The following CYP4F12 variants were observed in gnomAD, a reference collection of about 807,000 sequenced individuals.
CYP4F12 encodes the protein cytochrome P450 family 4 subfamily F member 12.
CYP4F12 carries 60 observed loss-of-function variants against 56.5 expected under a neutral mutation model. That is an observed-to-expected ratio of 1.06 (90% confidence interval 0.86 to 1.32). The LOEUF (loss-of-function observed/expected upper bound fraction) is 1.32. CYP4F12 is among the 40% of genes most tolerant of loss of function. The pLI, the probability that CYP4F12 is intolerant of heterozygous loss-of-function variation, is 0.00. For synonymous variants in CYP4F12, 263 were observed against 264.9 expected, an observed-to-expected ratio of 0.99 and a Z score of 0.07; for missense variants, 711 against 683.5, an observed-to-expected ratio of 1.04 and a Z score of -0.45.
intron 9 of CYP4F12, among the ~76,000 whole-genome samples, chr19:15,694,552 T>A (rs60976188): frequency 0.041 from 6,149 of 151,728 alleles, 448 homozygotes; most frequent in African/African-American, 0.14. Context: ...ATCCTGAGAC[T>A]TTGCTGAAGT....
chr19:15,682,361 C>G, intron 5 of CYP4F12, 28 bp from the exon 6 acceptor site: 2 of 1,609,868 alleles, frequency 1.2e-6, no homozygotes, highest in South Asian at 1.1e-5. Context: ...CAGGGCCCAG[C>G]TCTAGCTCTC....
intron 9 of CYP4F12, among the ~76,000 whole-genome samples, chr19:15,688,007 C>A (rs1411111427): frequency 6.6e-6 from 1 of 152,174 alleles, no homozygotes; most frequent in Non-Finnish European, 1.5e-5. Flanking sequence ...AAGTGTGCTG[C>A]AGACAGGAGT....
intron 2 of CYP4F12, among the ~76,000 whole-genome samples, chr19:15,677,754 C>T (rs149756233): frequency 3.8e-4 from 3 of 7,828 alleles, no homozygotes; most frequent in Non-Finnish European, 7.2e-4. Flanking sequence ...ATTCCTCTAC[C>T]CATGCACTCA....
intron 2 of CYP4F12, among the ~76,000 whole-genome samples, chr19:15,675,435 C>T (rs890261452): frequency 2.0e-5 from 3 of 152,176 alleles, no homozygotes; most frequent in African/African-American, 7.2e-5. Flanking sequence ...AGGACGCAGG[C>T]CCTTTGTCTG....
At chr19:15,687,795 C>G (rs1415434653) in intron 9 of CYP4F12, among the ~76,000 whole-genome samples, 1 of 152,176 alleles carries the variant, frequency 6.6e-6, no homozygotes, top group African/African-American at 2.4e-5. Flanking sequence ...GAAGCAGCAG[C>G]AGGAAGTCCC....
chr19:15,687,392 C>G (rs2007668535), intron 9 of CYP4F12, among the ~76,000 whole-genome samples: 1 of 152,106 alleles, frequency 6.6e-6, no homozygotes, highest in South Asian at 2.1e-4. Context: ...TATAAGAACA[C>G]AGACTTCTTC....
intron 5 of CYP4F12, chr19:15,681,969 G>GA (rs1390013990): frequency 6.3e-6 from 1 of 159,480 alleles, no homozygotes; most frequent in Non-Finnish European, 1.4e-5. Flanking sequence ...TGCAGATGAT[G>GA]AACTGAGGGC....
At chr19:15,685,045 A>T (rs2007531955) in intron 8 of CYP4F12, 23 bp from the exon 9 acceptor site, 1 of 1,608,790 alleles carries the variant, frequency 6.2e-7, no homozygotes, top group African/African-American at 1.3e-5. Context: ...TGCTGAAGCC[A>T]AGCTTACCTG....
chr19:15,683,445 C>T lies in CYP4F12; in HGVS notation c.648-48C>T, dbSNP rs1360200749. Reference sequence around the variant, plus strand: ...CTGCTGGTGGGAGGTGTTCCTGGGGCTTTGCATACGTTACATTGTTGCCTC... The same window carrying T: ...CTGCTGGTGGGAGGTGTTCCTGGGGTTTTGCATACGTTACATTGTTGCCTC... On this transcript the variant is annotated intron_variant, in intron 6 of 12. Coordinates refer to ENST00000550308, the MANE Select transcript of CYP4F12 (RefSeq NM_023944.4). The T allele has an allele frequency of 2.6e-6, 4 of 1,532,290 alleles. No individual in the cohort carries two copies. The South Asian group carries it at 3.9e-5, about 15-fold the overall frequency. The allele number at this position is 1,532,290 out of a possible 1,614,324, so 94.9% of individuals were successfully genotyped here.
chr19:15,691,682 A>T (rs1271364290), intron 9 of CYP4F12, among the ~76,000 whole-genome samples: 1 of 148,372 alleles, frequency 6.7e-6, no homozygotes, highest in Non-Finnish European at 1.5e-5. Context: ...AAGAATGTGT[A>T]TCACAATTAA....
chr19:15,673,384 G>A lies in CYP4F12; in HGVS notation c.-1-145G>A, dbSNP rs1193960830. On this transcript the variant is annotated intron_variant, in intron 1 of 12. Coordinates refer to ENST00000550308, the MANE Select transcript of CYP4F12 (RefSeq NM_023944.4). ...TTGTTGGTTTTGGTTGGGACTTTCT[G>A]GACTTCAGATCTCAGCCCTCGTTTA... 364 of 887,542 alleles carry A rather than the reference G, an allele frequency of 4.1e-4. 3 individuals carry two copies. Among genetic ancestry groups the A allele is most frequent in the Admixed American group, 1.3e-4 (5 of 38,138 alleles). The allele number at this position is 887,542 out of a possible 1,614,324, so 55.0% of individuals were successfully genotyped here.
In CYP4F12 at chr19:15,683,522, T is replaced by C; in HGVS notation, c.677T>C (p.Leu226Ser). The C allele has an allele frequency of 6.2e-7, 1 of 1,609,000 alleles. No individual in the cohort carries two copies. The highest frequency in any genetic ancestry group is 8.5e-7 in the Non-Finnish European group (1 of 1,178,008). The change falls in exon 7 of 13, where the codon TTG becomes TCG. Residue 226 changes from leucine (L) to serine (S), a missense_variant. Leu to Ser is a moderately radical substitution (Grantham distance 145). Transcript: ENST00000550308. ...ERPSEYIATI[L>S]ELSALVEKRS... ...CCCAGTGAATATATTGCCACCATCTTGGAGCTCAGTGCCCTTGTAGAGAAA... is the reference window on the plus strand; with the variant it reads ...CCCAGTGAATATATTGCCACCATCTCGGAGCTCAGTGCCCTTGTAGAGAAA...
chr19:15,684,756 TTGTGTGTGTGTG>T (rs3063212), intron 7 of CYP4F12, 48 bp from the exon 8 acceptor site: 281,729 of 1,043,004 alleles, frequency 0.27, 19,261 homozygotes, highest in Non-Finnish European at 0.3. Flanking sequence ...ATAGTATAAT[TTGTGTGTGTGTG>T]TGTGTGTGTG....
rs762180054 is a variant in CYP4F12, at chr19:15,680,583, G to C, written c.525+64G>C. On this transcript the variant is annotated intron_variant, in intron 5 of 12. Transcript: ENST00000550308. ...GGGTGGAGGGACCATGGACACATCTGGTCTGGAATTTTGGCTCTTCTGGGT... is the reference window on the plus strand; with the variant it reads ...GGGTGGAGGGACCATGGACACATCTCGTCTGGAATTTTGGCTCTTCTGGGT... The C allele has an allele frequency of 2.5e-6, 4 of 1,612,096 alleles. No individual in the cohort carries two copies. In the South Asian group the frequency reaches 3.3e-5, roughly 13 times the overall value.
intron 9 of CYP4F12, among the ~76,000 whole-genome samples, chr19:15,686,552 A>T (rs894605181): frequency 6.6e-6 from 1 of 152,156 alleles, no homozygotes; most frequent in Non-Finnish European, 1.5e-5. Context: ...AGACAGAGAG[A>T]GAATGAGAGA....
intron 9 of CYP4F12, among the ~76,000 whole-genome samples, chr19:15,694,737 A>G (rs918050802): frequency 6.6e-6 from 1 of 152,236 alleles, no homozygotes; most frequent in African/African-American, 2.4e-5. Flanking sequence ...TGCAGCCAAA[A>G]AACACATGAA....
rs568888244 is a variant in CYP4F12 at position 15,696,895 on chromosome 19, C to T, written c.1398-13C>T. 1.9e-6 allele frequency: 3 copies of T among 1,606,710 alleles called. No homozygotes were observed. Among genetic ancestry groups the T allele is most frequent in the Admixed American group, 1.7e-5 (1 of 59,682 alleles). On this transcript the variant is annotated splice_polypyrimidine_tract_variant and intron_variant, in intron 12 of 12. Transcript: ENST00000550308. ...GTCTTGGGCACAGTCACAGTCCCCACTCCCGCCTGCAGGAACTGCATCGGG... is the reference window on the plus strand; with the variant it reads ...GTCTTGGGCACAGTCACAGTCCCCATTCCCGCCTGCAGGAACTGCATCGGG...
rs1488328503 is a variant in CYP4F12, at chr19:15,676,906, C to A, written c.199-1355C>A. ...TCATTCCTCTCCTCACTCACTCATT[C>A]CTCTCCTCACTTACTCATTCCTCTC... On this transcript the variant is annotated intron_variant, in intron 2 of 12. Coordinates refer to ENST00000550308, the MANE Select transcript of CYP4F12 (RefSeq NM_023944.4). 1.7e-4 allele frequency among the ~76,000 whole-genome samples: 9 copies of A among 52,480 alleles called. 2 individuals carry two copies. The highest frequency in any genetic ancestry group is 3.5e-4 in the Non-Finnish European group (9 of 25,664). 34.4% of individuals were successfully genotyped at this position (52,480 alleles called of 152,430 possible). A position where few individuals can be genotyped will look rare whatever the true frequency, so the allele number is the denominator to read the frequency against.
At chr19:15,676,241 TG>T (rs1264772136) in intron 2 of CYP4F12, among the ~76,000 whole-genome samples, 2 of 152,130 alleles carry the variant, frequency 1.3e-5, no homozygotes, top group African/African-American at 4.8e-5. Context: ...TGATGGTGGC[TG>T]GGGTCTGGGA....
Sources: gnomAD v4.1 joint callset for allele counts (sites outside exome capture counted in the v4.1 genomes callset) on GRCh38, gnomAD v4.1.1 for gene constraint, MANE v1.5 for transcripts, NCBI Gene and HGNC (gene_info 2026-07-23, HGNC 2026-07-21) for gene names.